ADK: variants seen among roughly 807,000 people sequenced by gnomAD.
ADK encodes N6,N6-dimethyladenosine kinase.
ADK carries 24 observed loss-of-function variants against 44.7 expected under a neutral mutation model. That is an observed-to-expected ratio of 0.54 (90% CI 0.39 to 0.76). ADK has a LOEUF of 0.76. Among genes scored for constraint, ADK ranks in the 30% least tolerant of loss-of-function variants. ADK has a pLI of 0.00. For synonymous variants in ADK, 128 were observed against 142.6 expected (o/e 0.90, Z 0.73); for missense variants, 321 against 425.1 (o/e 0.76, Z 2.15).
chr10:74,448,101 A>G lies in ADK; in HGVS notation c.555+49522A>G, dbSNP rs1845646027. 2.6e-5 allele frequency among the ~76,000 whole-genome samples: 4 copies of G among 152,144 alleles called. No individual in the cohort carries two copies. In the South Asian group the frequency reaches 8.3e-4, roughly 32 times the overall value. ...GGCAGGAGAATTGCTTGAACCCTGG[A>G]GGCAGAGGCTGCAGTGAGTCGAGAT... On this transcript the variant is annotated intron_variant, in intron 6 of 10. Transcript: ENST00000539909.
chr10:74,237,854 T>C (rs1845030486), intron 3 of ADK, among the ~76,000 whole-genome samples: 1 of 152,086 alleles, frequency 6.6e-6, no homozygotes, highest in African/African-American at 2.4e-5. Context: ...ATTCCAGGAC[T>C]TTGGGAGACT....
chr10:74,394,112 A>G (rs1298907175), intron 4 of ADK, 29 bp from the exon 5 acceptor site: 2 of 1,613,094 alleles, frequency 1.2e-6, no homozygotes, highest in Non-Finnish European at 1.7e-6. Context: ...TTTTTGCCCC[A>G]TTAAATTATT....
At chr10:74,618,414 C>G (rs1486342168) in intron 9 of ADK, among the ~76,000 whole-genome samples, 1 of 152,178 alleles carries the variant, frequency 6.6e-6, no homozygotes, top group Middle Eastern at 3.2e-3. Context: ...CCTCAGCCTC[C>G]TGAGTAGCTG....
chr10:74,578,460 C>T (rs937596838), intron 7 of ADK, among the ~76,000 whole-genome samples: 105 of 152,028 alleles, frequency 6.9e-4, no homozygotes, highest in African/African-American at 2.4e-3. Context: ...AATGAAAGTC[C>T]AAGTAGTATG....
At chr10:74,535,814 C>G (rs566818102) in intron 7 of ADK, among the ~76,000 whole-genome samples, 1 of 152,072 alleles carries the variant, frequency 6.6e-6, no homozygotes, top group South Asian at 2.1e-4. Context: ...AACTCCTGGC[C>G]TCAAGTGATT....
intron 3 of ADK, among the ~76,000 whole-genome samples, chr10:74,269,204 C>T (rs1434993244): frequency 6.6e-6 from 1 of 151,852 alleles, no homozygotes; most frequent in Non-Finnish European, 1.5e-5. Flanking sequence ...TGTGTAGTCT[C>T]AAGAAAAGAG....
At position 74,394,008 on chromosome 10, in the gene ADK, G is replaced by C. The variant is rs80044870; in HGVS notation, c.274-133G>C. ...TTTTTTAATCGTAAGTGATAGCACA[G>C]AATTGAAATCCCATTCATAACAGCT... On this transcript the variant is annotated intron_variant, in intron 4 of 10. Coordinates refer to ENST00000539909, the MANE Select transcript of ADK (RefSeq NM_006721.4). The C allele has an allele frequency of 1.3e-3, 1,168 of 906,588 alleles. 5 individuals carry two copies. The African/African-American group carries it at 0.016, about 13-fold the overall frequency. The allele number at this position is 906,588 out of a possible 1,614,324, so 56.2% of individuals were successfully genotyped here. A position where few individuals can be genotyped will look rare whatever the true frequency, so the allele number is the denominator to read the frequency against.
At chr10:74,340,129 AT>A (rs1263633309) in intron 4 of ADK, among the ~76,000 whole-genome samples, 49 of 152,176 alleles carry the variant, frequency 3.2e-4, no homozygotes, top group African/African-American at 1.2e-3. Flanking sequence ...AACATATTCT[AT>A]TACTATAAAT....
intron 6 of ADK, among the ~76,000 whole-genome samples, chr10:74,399,576 G>T (rs181415071): frequency 6.6e-6 from 1 of 151,724 alleles, no homozygotes; most frequent in Admixed American, 6.6e-5. Flanking sequence ...TTTTCTGCCA[G>T]TATGTGAGAA....
chr10:74,587,201 A>G (rs1302115169), intron 7 of ADK, among the ~76,000 whole-genome samples: 1 of 152,196 alleles, frequency 6.6e-6, no homozygotes, highest in Non-Finnish European at 1.5e-5. Flanking sequence ...CACTACATCA[A>G]TAGCTTTTGA....
intron 10 of ADK, among the ~76,000 whole-genome samples, chr10:74,707,881 G>A (rs530744321): frequency 2.6e-5 from 4 of 151,228 alleles, no homozygotes; most frequent in Non-Finnish European, 2.9e-5. Context: ...AAGATCTCCC[G>A]ACCGGGCACA....
chr10:74,376,593 C>T (rs1262175652), intron 4 of ADK, among the ~76,000 whole-genome samples: 2 of 152,026 alleles, frequency 1.3e-5, no homozygotes, highest in African/African-American at 4.8e-5. Context: ...CTCAAAAAAC[C>T]CACCATCATA....
At chr10:74,469,816 C>T (rs868167662) in intron 6 of ADK, among the ~76,000 whole-genome samples, 16 of 152,150 alleles carry the variant, frequency 1.1e-4, no homozygotes, top group South Asian at 4.1e-4. Context: ...CCCCAGGCAA[C>T]CACCATTCCA....
At chr10:74,594,127 A>G (rs1019762729) in intron 8 of ADK, among the ~76,000 whole-genome samples, 4 of 143,778 alleles carry the variant, frequency 2.8e-5, no homozygotes, top group African/African-American at 7.5e-5. Context: ...GTAAGTGGGA[A>G]TTGAACAATG....
intron 6 of ADK, among the ~76,000 whole-genome samples, chr10:74,519,014 T>C (rs902609039): frequency 6.6e-6 from 1 of 151,806 alleles, no homozygotes; most frequent in African/African-American, 2.4e-5. Flanking sequence ...GAAATATAAT[T>C]TAAAATTTTC....
At chr10:74,551,409 T>G (rs1850031694) in intron 7 of ADK, 1 of 152,596 alleles carries the variant, frequency 6.6e-6, no homozygotes, top group African/African-American at 2.4e-5. Context: ...CCAAATGCAG[T>G]GGTATTTACA....
At chr10:74,258,308 G>T (rs1224902678) in intron 3 of ADK, among the ~76,000 whole-genome samples, 1 of 151,894 alleles carries the variant, frequency 6.6e-6, no homozygotes, top group Non-Finnish European at 1.5e-5. Flanking sequence ...ATTAATAATT[G>T]GTTTTCTCCT....
chr10:74,216,447 A>G (rs990822007), intron 2 of ADK, among the ~76,000 whole-genome samples: 1 of 152,148 alleles, frequency 6.6e-6, no homozygotes, highest in Admixed American at 6.5e-5. Context: ...AAAATAGGCC[A>G]GGTGCAGTGG....
intron 7 of ADK, among the ~76,000 whole-genome samples, chr10:74,570,349 A>G (rs371512289): frequency 2.6e-5 from 4 of 152,202 alleles, no homozygotes; most frequent in Admixed American, 6.5e-5. Context: ...CATTGAATCT[A>G]TAAATTACCT....
Sources: allele counts gnomAD v4.1 joint callset (sites outside exome capture counted in the v4.1 genomes callset), GRCh38; gene constraint gnomAD v4.1.1; transcripts MANE v1.5; gene names NCBI Gene and HGNC (gene_info 2026-07-23, HGNC 2026-07-21).